SLC41A2: variants seen among roughly 807,000 people sequenced by gnomAD.
SLC41A2 encodes the protein solute carrier family 41 member 2, also known as SLC41A1-like 1.
Under a neutral mutation model 58.3 loss-of-function variants are expected in SLC41A2, and 32 were observed. The observed-to-expected ratio is 0.55, with a 90% CI of 0.41 to 0.74. The LOEUF (loss-of-function observed/expected upper bound fraction) is 0.74. Among genes scored for constraint, SLC41A2 ranks in the 30% least tolerant of loss-of-function variants. The probability of loss-of-function intolerance (pLI) is 0.00; values close to 1 mark genes in which losing one functional copy is unlikely to be tolerated. For synonymous variants in SLC41A2, 190 were observed against 235.0 expected (o/e 0.81, Z 1.75); for missense variants, 514 against 680.6 (o/e 0.76, Z 2.72).
At chr12:104,876,343 A>G (rs1453597895) in intron 6 of SLC41A2, among the ~76,000 whole-genome samples, 1 of 151,922 alleles carries the variant, frequency 6.6e-6, no homozygotes, top group African/African-American at 2.4e-5. Context: ...GAGGTGTAAC[A>G]TTAGCTTGTT....
In SLC41A2 at chr12:104,805,307, T is replaced by C; in HGVS notation, c.1567A>G (p.Met523Val). Residue 523 changes from methionine (M) to valine (V), a missense_variant, in exon 11 of 11, where the codon ATG (methionine) becomes GTG (valine). This residue lies in a region of SLC41A2 where 128 missense variants were observed against 146.0 expected (regional missense o/e 0.88). Transcript: ENST00000258538. ...VFTLLWIADW[M>V]VHHFWRKGKD... ...CCTTTCCTCCAGAAGTGATGGACCATCCAGTCAGCAATCCACAGCAAGGTA... is the reference window on the plus strand; with the variant it reads ...CCTTTCCTCCAGAAGTGATGGACCACCCAGTCAGCAATCCACAGCAAGGTA... 1.2e-6 allele frequency: 2 copies of C among 1,613,632 alleles called. No homozygotes were observed. The highest frequency in any genetic ancestry group is 1.7e-6 in the Non-Finnish European group (2 of 1,179,764).
rs576643799 is a variant in SLC41A2, at chr12:104,828,495, A to G, written c.1536+15977T>C. 5.9e-5 allele frequency among the ~76,000 whole-genome samples: 9 copies of G among 152,240 alleles called. No homozygotes were observed. In the South Asian group the frequency reaches 1.9e-3, roughly 32 times the overall value. On this transcript the variant is annotated intron_variant, in intron 10 of 10. Coordinates refer to ENST00000258538, the MANE Select transcript of SLC41A2 (RefSeq NM_001352171.3). ...CTACGGATAGCTAAACTAAAAGAGC[A>G]CCCTGTAACACACGCCCACTGGTGC...
At chr12:104,907,265 G>A (rs1037175448) in intron 3 of SLC41A2, among the ~76,000 whole-genome samples, 1 of 144,866 alleles carries the variant, frequency 6.9e-6, no homozygotes, top group Non-Finnish European at 1.5e-5. Context: ...CAAGATATTC[G>A]AGATTCATTG....
intron 8 of SLC41A2, among the ~76,000 whole-genome samples, chr12:104,853,915 T>TATTATTATTATTATTA (rs1565842625): frequency 8.0e-6 from 1 of 125,026 alleles, no homozygotes; most frequent in Non-Finnish European, 1.6e-5. Flanking sequence ...TGGCTGATTT[T>TATTATTATTATTATTA]TTTTTTTTTT....
At chr12:104,894,116 C>G (rs2045160242) in intron 4 of SLC41A2, among the ~76,000 whole-genome samples, 1 of 151,924 alleles carries the variant, frequency 6.6e-6, no homozygotes, top group Non-Finnish European at 1.5e-5. Flanking sequence ...ATATATACAC[C>G]TACTACGTAT....
chr12:104,843,307 G>A (rs969413379), intron 10 of SLC41A2, among the ~76,000 whole-genome samples: 1 of 151,888 alleles, frequency 6.6e-6, no homozygotes, highest in African/African-American at 2.4e-5. Flanking sequence ...CTAGTAGCAT[G>A]AAGGTTTACT....
chr12:104,830,474 AT>A (rs1326602134), intron 10 of SLC41A2, among the ~76,000 whole-genome samples: 4 of 152,112 alleles, frequency 2.6e-5, no homozygotes, highest in African/African-American at 7.2e-5. Flanking sequence ...ACTCTGTGGA[AT>A]TTTTTTCCTG....
At chr12:104,838,257 G>A (rs2042279977) in intron 10 of SLC41A2, among the ~76,000 whole-genome samples, 2 of 152,142 alleles carry the variant, frequency 1.3e-5, no homozygotes, top group African/African-American at 4.8e-5. Flanking sequence ...TGTTAGTGTC[G>A]TAGGTATATT....
intron 10 of SLC41A2, among the ~76,000 whole-genome samples, chr12:104,823,028 GA>G (rs1370832463): frequency 2.0e-5 from 3 of 151,996 alleles, no homozygotes; most frequent in African/African-American, 7.2e-5. Flanking sequence ...AGAACAAAAG[GA>G]AAAAATGCCT....
chr12:104,916,253 C>A (rs1278023974), intron 2 of SLC41A2, among the ~76,000 whole-genome samples: 2 of 151,960 alleles, frequency 1.3e-5, no homozygotes, highest in Admixed American at 6.6e-5. Context: ...TGTCTCTGCC[C>A]GGCTTTGGTA....
At chr12:104,898,618 G>A (rs901959151) in intron 3 of SLC41A2, among the ~76,000 whole-genome samples, 3 of 149,934 alleles carry the variant, frequency 2.0e-5, no homozygotes, top group Non-Finnish European at 4.4e-5. Context: ...AGTGTTAGGT[G>A]TATGGATAAT....
At chr12:104,833,984 A>C in intron 10 of SLC41A2, 1 of 979,372 alleles carries the variant, frequency 1.0e-6, no homozygotes, top group African/African-American at 1.7e-5. Context: ...ACAGGAAGCA[A>C]TGTCCTAAGC....
At chr12:104,918,765 A>G (rs2046452751) in intron 2 of SLC41A2, among the ~76,000 whole-genome samples, 1 of 152,096 alleles carries the variant, frequency 6.6e-6, no homozygotes. Flanking sequence ...CCAGGTACAC[A>G]TATTACTTTT....
chr12:104,930,842 C>T (rs78573482), intron 1 of SLC41A2, among the ~76,000 whole-genome samples: 2,618 of 152,320 alleles, frequency 0.017, 53 homozygotes, highest in East Asian at 0.11. Flanking sequence ...TCAGTCATCT[C>T]GCAGAATATG....
At chr12:104,947,153 G>A (rs2047748014) in intron 1 of SLC41A2, among the ~76,000 whole-genome samples, 1 of 138,820 alleles carries the variant, frequency 7.2e-6, no homozygotes, top group Non-Finnish European at 1.5e-5. Flanking sequence ...TCACAAAAAT[G>A]TTGTACGCTG....
At chr12:104,953,283 G>A (rs1302900226) in intron 1 of SLC41A2, among the ~76,000 whole-genome samples, 1 of 152,158 alleles carries the variant, frequency 6.6e-6, no homozygotes, top group Non-Finnish European at 1.5e-5. Context: ...TAGTTCCTAG[G>A]CTAGCCTACA....
chr12:104,873,153 C>G (rs2043868876), intron 6 of SLC41A2, among the ~76,000 whole-genome samples: 1 of 152,110 alleles, frequency 6.6e-6, no homozygotes, highest in Middle Eastern at 3.2e-3. Flanking sequence ...AGTCTTTGAT[C>G]TACATCTCCC....
chr12:104,956,761 T>G (rs1305178746), intron 1 of SLC41A2, among the ~76,000 whole-genome samples: 1 of 152,114 alleles, frequency 6.6e-6, no homozygotes, highest in Non-Finnish European at 1.5e-5. Flanking sequence ...GAACATTTTC[T>G]CCAAAGAAAA....
At chr12:104,903,445 G>A (rs1020477848) in intron 3 of SLC41A2, among the ~76,000 whole-genome samples, 1 of 152,104 alleles carries the variant, frequency 6.6e-6, no homozygotes, top group African/African-American at 2.4e-5. Context: ...CTAACACAGT[G>A]GTTTTCAAAC....
Sources: gnomAD v4.1 joint callset for allele counts (sites outside exome capture counted in the v4.1 genomes callset) on GRCh38, gnomAD v4.1.1 for gene constraint, gnomAD v4.1.1 regional missense constraint, MANE v1.5 for transcripts, NCBI Gene and HGNC (gene_info 2026-07-23, HGNC 2026-07-21) for gene names.